Variants in RYR3 observed in about 807,000 individuals in gnomAD.
RYR3 encodes the protein brain ryanodine receptor-calcium release channel.
In RYR3, 207 loss-of-function variants were observed where a neutral mutation model predicts 584.3. The observed-to-expected ratio is 0.35, with a 90% CI of 0.32 to 0.40. RYR3 has a LOEUF of 0.40. Among genes scored for constraint, RYR3 ranks in the 10% least tolerant of loss-of-function variants. The probability of loss-of-function intolerance (pLI) is 1.00; values close to 1 mark genes in which losing one functional copy is unlikely to be tolerated. For missense variants in RYR3, 5,616 were observed against 6,089.2 expected, an observed-to-expected ratio of 0.92 and a Z score of 2.59; for synonymous variants, 2,416 against 2,248.5, an observed-to-expected ratio of 1.07 and a Z score of -2.11.
Position 33,660,220 on chromosome 15 carries a change from C to T in RYR3, c.4419C>T (p.Ala1473=). The change falls in exon 34 of 104, where the codon GCC becomes GCT. Residue 1473 remains alanine (A), a synonymous_variant. Transcript: ENST00000634891. ...AGAACGCAATGCCCCTGTCAGCGGC[C>T]ATATTCAGGAGTGAAGAGAAGAACC... is the stretch of plus-strand genomic sequence containing the variant. ...KLKNAMPLSA[A]IFRSEEKNPV... is the part of the protein sequence containing the mutation. 1.9e-6 allele frequency: 3 copies of T among 1,552,542 alleles called. No homozygotes were observed. The highest frequency in any genetic ancestry group is 2.6e-6 in the Non-Finnish European group (3 of 1,147,464).
intron 1 of RYR3, among the ~76,000 whole-genome samples, chr15:33,381,200 C>T (rs2041166497): frequency 6.6e-6 from 1 of 152,136 alleles, no homozygotes; most frequent in Admixed American, 6.6e-5. Flanking sequence ...CAACGCCTTC[C>T]TGCTCATCTT....
intron 1 of RYR3, among the ~76,000 whole-genome samples, chr15:33,323,093 A>G (rs983652067): frequency 6.6e-6 from 1 of 151,674 alleles, no homozygotes; most frequent in Non-Finnish European, 1.5e-5. Context: ...GCTATAATAT[A>G]TGATATGATA....
rs141345782 is a variant in RYR3, at chr15:33,408,330, C to T, written c.52-65089C>T. 8.7e-3 allele frequency among the ~76,000 whole-genome samples: 1,331 copies of T among 152,268 alleles called. 17 individuals are homozygous for T. The highest frequency in any genetic ancestry group is 0.027 in the Middle Eastern group (8 of 294). On this transcript the variant is annotated intron_variant, in intron 1 of 103. Coordinates refer to ENST00000634891, the MANE Select transcript of RYR3 (RefSeq NM_001036.6). ...GGCATCCATGTTGTGGTAAAGGACA[C>T]GGTTTTGTTCTTTATCATGGTTGTG...
intron 28 of RYR3, among the ~76,000 whole-genome samples, chr15:33,646,108 C>A (rs779238995): frequency 7.2e-5 from 11 of 152,220 alleles, no homozygotes; most frequent in African/African-American, 2.7e-4. Flanking sequence ...CACCCTTGGC[C>A]TTACAGAGAA....
intron 1 of RYR3, among the ~76,000 whole-genome samples, chr15:33,367,313 C>A (rs1223833630): frequency 2.0e-5 from 3 of 152,184 alleles, no homozygotes; most frequent in Admixed American, 2.0e-4. Flanking sequence ...TGAATTCTCC[C>A]TTTTGTCACT....
At chr15:33,455,833 C>A (rs1371486211) in intron 1 of RYR3, among the ~76,000 whole-genome samples, 1 of 152,128 alleles carries the variant, frequency 6.6e-6, no homozygotes, top group Non-Finnish European at 1.5e-5. Flanking sequence ...TGCACATAAT[C>A]CCACACTAAA....
chr15:33,434,548 C>T (rs2045485615), intron 1 of RYR3, among the ~76,000 whole-genome samples: 1 of 151,968 alleles, frequency 6.6e-6, no homozygotes, highest in African/African-American at 2.4e-5. Context: ...AGTTGGAAGC[C>T]TTGGTAACTT....
intron 12 of RYR3, among the ~76,000 whole-genome samples, chr15:33,578,410 T>C (rs1423646792): frequency 2.6e-5 from 4 of 152,152 alleles, no homozygotes; most frequent in African/African-American, 2.4e-5. Flanking sequence ...ATATACACCA[T>C]GGAATACTAT....
chr15:33,795,246 C>G (rs2075527746), intron 67 of RYR3, among the ~76,000 whole-genome samples: 1 of 152,154 alleles, frequency 6.6e-6, no homozygotes, highest in Admixed American at 6.6e-5. Flanking sequence ...TTCTGTTGGT[C>G]AGTGTCCAAC....
At chr15:33,420,163 G>C (rs2044136357) in intron 1 of RYR3, among the ~76,000 whole-genome samples, 1 of 152,172 alleles carries the variant, frequency 6.6e-6, no homozygotes, top group African/African-American at 2.4e-5. Context: ...TTCTCCTTTG[G>C]AGAATCAAGC....
intron 1 of RYR3, among the ~76,000 whole-genome samples, chr15:33,320,616 A>C (rs538552804): frequency 1.3e-5 from 2 of 152,300 alleles, no homozygotes; most frequent in African/African-American, 4.8e-5. Flanking sequence ...ATGGTACAAA[A>C]ATTTTCCTGT....
At chr15:33,414,057 C>A (rs2043606154) in intron 1 of RYR3, among the ~76,000 whole-genome samples, 1 of 152,146 alleles carries the variant, frequency 6.6e-6, no homozygotes, top group South Asian at 2.1e-4. Flanking sequence ...TATCAAATTA[C>A]CTAATGAATC....
intron 12 of RYR3, among the ~76,000 whole-genome samples, chr15:33,571,378 A>G (rs997177575): frequency 6.6e-6 from 1 of 152,170 alleles, no homozygotes; most frequent in South Asian, 2.1e-4. Flanking sequence ...GGTTTATTAC[A>G]TTAACTGGTG....
intron 1 of RYR3, among the ~76,000 whole-genome samples, chr15:33,411,252 A>C (rs1215506487): frequency 6.6e-6 from 1 of 152,206 alleles, no homozygotes; most frequent in Non-Finnish European, 1.5e-5. Flanking sequence ...GAGAAAAGTT[A>C]GGAGTATTCA....
At chr15:33,545,399 A>T (rs112169873) in intron 8 of RYR3, among the ~76,000 whole-genome samples, 5 of 152,180 alleles carry the variant, frequency 3.3e-5, no homozygotes, top group African/African-American at 1.2e-4. Context: ...TTTTCACAAT[A>T]GGCACACTGG....
chr15:33,807,721 C>T (rs796561192), intron 70 of RYR3, 152 bp downstream of exon 70: 1 of 773,326 alleles, frequency 1.3e-6, no homozygotes, highest in Admixed American at 2.2e-5. Context: ...AGACAACTGC[C>T]TGTCAAAGAG....
Position 33,548,143 on chromosome 15 carries a change from G to A in RYR3, c.754G>A (p.Glu252Lys), listed in dbSNP as rs369544560. The change falls in exon 9 of 104, where the codon GAA (glutamate) becomes AAA (lysine). Residue 252 changes from glutamate to lysine, a missense_variant. By Grantham distance (56) the Glu-to-Lys change is moderately conservative. Around this residue, in one of 9 missense-constraint regions of RYR3, gnomAD observed 1,284 missense variants for 1,344.6 expected, o/e 0.95. Coordinates refer to ENST00000634891, the MANE Select transcript of RYR3 (RefSeq NM_001036.6). ...CTCTGCTCACAGGAGGATATTCTAC[G>A]AAGCTGGGGGAGCTGGGACTCGAGC... ...NDSQHRRIFYEAGGAGTRARS... is the reference protein window; with the variant it reads ...NDSQHRRIFYKAGGAGTRARS... The A allele has an allele frequency of 2.4e-5, 39 of 1,612,432 alleles. No homozygotes were observed. The highest frequency in any genetic ancestry group is 4.4e-5 in the South Asian group (4 of 90,568).
At chr15:33,571,888 T>C (rs1479925230) in intron 12 of RYR3, among the ~76,000 whole-genome samples, 1 of 152,206 alleles carries the variant, frequency 6.6e-6, no homozygotes, top group Non-Finnish European at 1.5e-5. Flanking sequence ...CCTCCCTTAC[T>C]ACCTTTTTTT....
intron 12 of RYR3, among the ~76,000 whole-genome samples, chr15:33,571,984 T>C (rs1193220856): frequency 6.6e-6 from 1 of 152,184 alleles, no homozygotes; most frequent in African/African-American, 2.4e-5. Flanking sequence ...CTCTTAGTGG[T>C]TGCTCTAGGG....
Sources: gnomAD v4.1 joint callset for allele counts (sites outside exome capture counted in the v4.1 genomes callset) on GRCh38, gnomAD v4.1.1 for gene constraint, gnomAD v4.1.1 regional missense constraint, MANE v1.5 for transcripts, NCBI Gene and HGNC (gene_info 2026-07-23, HGNC 2026-07-21) for gene names.